LRRC9: variants seen among roughly 807,000 people sequenced by gnomAD.
LRRC9 encodes the protein leucine-rich repeat-containing protein 9.
LRRC9 carries 122 observed loss-of-function variants against 63.2 expected under a neutral mutation model. The ratio of observed to expected loss-of-function variants is 1.93; its 90% CI spans 1.67 to 2.24. The LOEUF (loss-of-function observed/expected upper bound fraction) is 2.24, where lower values mean the gene tolerates loss of function less well. Ranked by LOEUF, LRRC9 falls within the 30% of genes most tolerant of loss-of-function variation. The probability of loss-of-function intolerance (pLI) is 0.00; values close to 1 mark genes in which losing one functional copy is unlikely to be tolerated. For missense variants in LRRC9, 1,071 were observed against 627.7 expected, an observed-to-expected ratio of 1.71 and a Z score of -7.55; for synonymous variants, 366 against 213.1, an observed-to-expected ratio of 1.72 and a Z score of -6.25.
intron 8 of LRRC9, among the ~76,000 whole-genome samples, chr14:59,959,114 G>A (rs1313509015): frequency 2.0e-5 from 3 of 152,214 alleles, no homozygotes; most frequent in African/African-American, 7.2e-5. Flanking sequence ...TGAGATTAGA[G>A]TTAGACAAAA....
chr14:59,987,973 A>G (rs1391005989), intron 17 of LRRC9, among the ~76,000 whole-genome samples: 1 of 152,198 alleles, frequency 6.6e-6, no homozygotes, highest in Non-Finnish European at 1.5e-5. Context: ...TCTTGTTTTA[A>G]TAACAGTATG....
rs1034078626 is a variant in LRRC9 at position 60,017,417 on chromosome 14, C to T, written c.3317+627C>T. On this transcript the variant is annotated intron_variant, in intron 24 of 31. Coordinates refer to ENST00000445360, the Ensembl canonical transcript of LRRC9. This position sits in a 1 kb window ranked among gnomAD's most constrained non-coding sequence, Gnocchi z 4.0. ...TAATTTGCTCGACAAATACCTATAACTCCTCCAAATATCATCTCAAGATGT... is the reference window on the plus strand; with the variant it reads ...TAATTTGCTCGACAAATACCTATAATTCCTCCAAATATCATCTCAAGATGT... Among the ~76,000 whole-genome samples, 2 of 152,104 alleles carry T rather than the reference C, an allele frequency of 1.3e-5. No individual in the cohort carries two copies. The highest frequency in any genetic ancestry group is 2.9e-5 in the Non-Finnish European group (2 of 68,000).
chr14:60,025,009 T>C (rs964420737), intron 27 of LRRC9, among the ~76,000 whole-genome samples: 1 of 152,042 alleles, frequency 6.6e-6, no homozygotes, highest in South Asian at 2.1e-4. Context: ...CATTCTTTTT[T>C]ATGGCTGTGA....
intron 22 of LRRC9, 69 bp downstream of exon 22, chr14:60,006,686 C>T (rs559862796): frequency 1.3e-5 from 7 of 534,092 alleles, no homozygotes; most frequent in Admixed American, 1.1e-4. Context: ...GAAAGTAATG[C>T]ATGTTTATTG....
intron 13 of LRRC9, among the ~76,000 whole-genome samples, chr14:59,975,725 G>C (rs73304095): frequency 6.6e-6 from 1 of 152,152 alleles, no homozygotes; most frequent in Non-Finnish European, 1.5e-5. Context: ...TTATCATATA[G>C]GAGCTATAAA....
At chr14:59,949,634 T>G (rs964825530) in intron 8 of LRRC9, among the ~76,000 whole-genome samples, 7 of 151,540 alleles carry the variant, frequency 4.6e-5, no homozygotes, top group African/African-American at 1.5e-4. Context: ...TGTGGGCATT[T>G]AGTGCTATAA....
Position 60,051,467 on chromosome 14 carries a change from A to T in LRRC9, c.3991-1598A>T, listed in dbSNP as rs74772382. Among the ~76,000 whole-genome samples the T allele has an allele frequency of 3.4e-3, 516 of 152,320 alleles. 18 individuals are homozygous for T. The East Asian group carries it at 0.058, about 17-fold the overall frequency. On this transcript the variant is annotated intron_variant, in intron 29 of 31. Coordinates refer to ENST00000445360, the Ensembl canonical transcript of LRRC9. This position sits in a 1 kb window ranked among gnomAD's most constrained non-coding sequence, Gnocchi z 4.7. ...GAACGCTGACTTGACTGAACCACAGAAATGGCTGCCACCCTTTCCCCCAAG... is the reference window on the plus strand; with the variant it reads ...GAACGCTGACTTGACTGAACCACAGTAATGGCTGCCACCCTTTCCCCCAAG...
Position 59,966,567 on chromosome 14 carries a change from T to G in LRRC9, c.1212-22T>G. On this transcript the variant is annotated intron_variant, in intron 10 of 31. Transcript: ENST00000445360. The surrounding 1 kb of genome is among the most constrained non-coding windows in gnomAD (Gnocchi z 4.0). ...AAATCTATTATTTTCTTCATGTATA[T>G]TCTGTATGTATTCCCACATAGGTTT... 1 of 619,934 alleles carries G rather than the reference T, an allele frequency of 1.6e-6. No individual in the cohort carries two copies. Among genetic ancestry groups the G allele is most frequent in the Non-Finnish European group, 2.9e-6 (1 of 343,254 alleles). The allele number at this position is 619,934 out of a possible 1,614,324, so 38.4% of individuals were successfully genotyped here. A position where few individuals can be genotyped will look rare whatever the true frequency, so the allele number is the denominator to read the frequency against.
At chr14:59,920,474 A>G (rs371735955) in intron 1 of LRRC9, 7 of 152,568 alleles carry the variant, frequency 4.6e-5, no homozygotes, top group African/African-American at 1.7e-4. Flanking sequence ...GTACCAGAAC[A>G]AAGTTCAAGA....
intron 12 of LRRC9, among the ~76,000 whole-genome samples, chr14:59,971,552 C>A (rs928804566): frequency 5.9e-5 from 9 of 152,086 alleles, no homozygotes; most frequent in African/African-American, 2.2e-4. Context: ...TTGATTCTTC[C>A]TGTCCATGAG....
intron 26 of LRRC9, 58 bp from the exon 27 acceptor site, chr14:60,022,676 T>C (rs1436667357): frequency 6.1e-6 from 3 of 493,212 alleles, no homozygotes; most frequent in Non-Finnish European, 1.1e-5. Context: ...ACTGTCTTTT[T>C]ATAATATAGC....
chr14:60,007,560 G>A (rs1419873927), intron 22 of LRRC9, among the ~76,000 whole-genome samples: 4 of 152,046 alleles, frequency 2.6e-5, no homozygotes, highest in African/African-American at 9.7e-5. Flanking sequence ...TTTTATTCCT[G>A]TTATATCTAT....
chr14:60,011,815 A>T (rs1444884146), intron 23 of LRRC9, among the ~76,000 whole-genome samples: 1 of 152,262 alleles, frequency 6.6e-6, no homozygotes, highest in Non-Finnish European at 1.5e-5. Flanking sequence ...ATATGAATAT[A>T]GGAAGAAAAG....
At chr14:59,995,697 CCT>C (rs750508962) in intron 17 of LRRC9, among the ~76,000 whole-genome samples, 33 of 151,220 alleles carry the variant, frequency 2.2e-4, no homozygotes, top group Admixed American at 8.6e-4. Flanking sequence ...AGATTCCCCC[CCT>C]GTTTTCAAGG....
intron 29 of LRRC9, among the ~76,000 whole-genome samples, chr14:60,050,377 G>A (rs1383350319): frequency 1.3e-5 from 2 of 152,122 alleles, no homozygotes; most frequent in African/African-American, 4.8e-5. Context: ...ATTTATGATT[G>A]CATTGTAAAG....
At chr14:59,945,972 T>C (rs999207408) in intron 8 of LRRC9, among the ~76,000 whole-genome samples, 5 of 151,800 alleles carry the variant, frequency 3.3e-5, no homozygotes, top group African/African-American at 7.3e-5. Flanking sequence ...AGATACCACT[T>C]ATGGAAGTGT....
chr14:60,045,935 G>A (rs776691816), intron 29 of LRRC9, among the ~76,000 whole-genome samples: 31 of 151,698 alleles, frequency 2.0e-4, no homozygotes, highest in Admixed American at 5.9e-4. Context: ...CCAGCATGTC[G>A]TTTTTTGACT....
At chr14:60,000,131 T>C (rs1889214488) in intron 19 of LRRC9, among the ~76,000 whole-genome samples, 1 of 152,152 alleles carries the variant, frequency 6.6e-6, no homozygotes, top group Admixed American at 6.6e-5. Context: ...AATGAAATCA[T>C]GTACTTCACA....
Position 59,960,911 on chromosome 14 carries a change from T to C in LRRC9, c.1080-3T>C, listed in dbSNP as rs1884284972. 4.5e-6 allele frequency: 3 copies of C among 662,316 alleles called. No individual in the cohort carries two copies. The highest frequency in any genetic ancestry group is 8.2e-6 in the Non-Finnish European group (3 of 367,942). The allele number at this position is 662,316 out of a possible 1,614,324, so 41.0% of individuals were successfully genotyped here. A position where few individuals can be genotyped will look rare whatever the true frequency, so the allele number is the denominator to read the frequency against. On this transcript the variant is annotated splice_region_variant and splice_polypyrimidine_tract_variant and intron_variant, in intron 9 of 31. Transcript: ENST00000445360. ...TAGCTGTATGTATTTTTCTCTCCAA[T>C]AGAATTGAAGCAATTTATCATATTG...
Sources: allele counts gnomAD v4.1 joint callset (sites outside exome capture counted in the v4.1 genomes callset), GRCh38; gene constraint gnomAD v4.1.1; non-coding constraint Gnocchi (gnomAD v3.1); transcripts MANE v1.5; gene names NCBI Gene and HGNC (gene_info 2026-07-23, HGNC 2026-07-21).